Variants in UGT1A8 observed in about 807,000 individuals in gnomAD.
UGT1A8 encodes the protein UDP glucuronosyltransferase family 1 member A8.
A neutral mutation model predicts 45.3 loss-of-function variants in UGT1A8; 39 were observed. The observed-to-expected ratio is 0.86, with a 90% CI of 0.67 to 1.12. The LOEUF (loss-of-function observed/expected upper bound fraction) is 1.12. Among genes scored for constraint, UGT1A8 ranks in the 50% most tolerant of loss-of-function variants. The pLI is 0.00. For synonymous variants in UGT1A8, 275 were observed against 249.2 expected (o/e 1.10, Z -0.97); for missense variants, 719 against 664.9 (o/e 1.08, Z -0.90).
At chr2:233,744,610 G>T (rs1221206555) in intron 1 of UGT1A8, among the ~76,000 whole-genome samples, 1 of 151,880 alleles carries the variant, frequency 6.6e-6, no homozygotes, top group Non-Finnish European at 1.5e-5. Flanking sequence ...TTAGTACTTG[G>T]CTCTATAGAG....
Position 233,682,320 on chromosome 2 carries a change from T to C in UGT1A8, c.855+63758T>C, listed in dbSNP as rs763345749. ...TTTTTTTCAAATTGCAGGAGTTTGT[T>C]TAATGACCGAAAATTAGTAGAATAC... On this transcript the variant is annotated intron_variant, in intron 1 of 4. Transcript: ENST00000373450. 5.6e-6 allele frequency: 9 copies of C among 1,614,156 alleles called. No homozygotes were observed. The South Asian group carries it at 8.8e-5, about 16-fold the overall frequency.
At chr2:233,755,027 C>T (rs759197919) in intron 1 of UGT1A8, 2 of 1,309,218 alleles carry the variant, frequency 1.5e-6, no homozygotes, top group African/African-American at 3.0e-5. Flanking sequence ...CCTTGAAGGG[C>T]CTGCCGCCTG....
chr2:233,646,352 G>T (rs946940616), intron 1 of UGT1A8, among the ~76,000 whole-genome samples: 1 of 152,150 alleles, frequency 6.6e-6, no homozygotes, highest in Non-Finnish European at 1.5e-5. Context: ...TTAACATTCG[G>T]CTCCTCATTA....
At chr2:233,685,598 A>C (rs2074745472) in intron 1 of UGT1A8, among the ~76,000 whole-genome samples, 1 of 152,210 alleles carries the variant, frequency 6.6e-6, no homozygotes. Context: ...GCCTCCCTCC[A>C]AGATTATTTA....
intron 1 of UGT1A8, chr2:233,636,650 C>T (rs769189062): frequency 1.2e-5 from 19 of 1,613,800 alleles, no homozygotes; most frequent in Admixed American, 5.0e-5. Context: ...ACCATGCAGT[C>T]GGTGGTGGAG....
chr2:233,663,275 C>A (rs532535432), intron 1 of UGT1A8, among the ~76,000 whole-genome samples: 5 of 152,210 alleles, frequency 3.3e-5, no homozygotes, highest in Non-Finnish European at 5.9e-5. Flanking sequence ...TGTGGTAGAC[C>A]GGAGTTTTAT....
At chr2:233,630,879 A>C (rs1044578332) in intron 1 of UGT1A8, among the ~76,000 whole-genome samples, 1 of 149,968 alleles carries the variant, frequency 6.7e-6, no homozygotes, top group South Asian at 2.1e-4. Flanking sequence ...ATACATGTGC[A>C]GAACATGCAG....
chr2:233,721,870 C>G (rs905859628), intron 1 of UGT1A8: 1 of 500,564 alleles, frequency 2.0e-6, no homozygotes, highest in Non-Finnish European at 4.0e-6. Context: ...CCTGGGCACA[C>G]TTGCCAGCCC....
intron 1 of UGT1A8, among the ~76,000 whole-genome samples, chr2:233,706,049 C>T (rs1298808195): frequency 6.6e-6 from 1 of 152,134 alleles, no homozygotes; most frequent in Admixed American, 6.5e-5. Context: ...GAGCCGAGAT[C>T]ACGCCACTGC....
At chr2:233,701,642 G>C (rs376187281) in intron 1 of UGT1A8, among the ~76,000 whole-genome samples, 7 of 152,306 alleles carry the variant, frequency 4.6e-5, no homozygotes, top group Admixed American at 2.6e-4. Flanking sequence ...ATAGCAAACT[G>C]TCTCTCAGAC....
intron 1 of UGT1A8, among the ~76,000 whole-genome samples, chr2:233,632,937 T>C (rs2073218271): frequency 6.6e-6 from 1 of 152,254 alleles, no homozygotes; most frequent in Non-Finnish European, 1.5e-5. Flanking sequence ...CTTCCAGCTT[T>C]TGCCCATTCA....
chr2:233,669,310 C>T (rs867853463), intron 1 of UGT1A8, among the ~76,000 whole-genome samples: 1 of 151,350 alleles, frequency 6.6e-6, no homozygotes, highest in Non-Finnish European at 1.5e-5. Context: ...TTTTACATTT[C>T]CCTATGAATT....
intron 1 of UGT1A8, chr2:233,693,997 C>T (rs2075194295): frequency 2.7e-6 from 4 of 1,507,132 alleles, no homozygotes; most frequent in Non-Finnish European, 3.6e-6. Flanking sequence ...TGATACCCGG[C>T]TCGGAGCAGC....
At chr2:233,711,742 C>A (rs1575496526) in intron 1 of UGT1A8, among the ~76,000 whole-genome samples, 1 of 152,196 alleles carries the variant, frequency 6.6e-6, no homozygotes. Context: ...GCAGACACGG[C>A]CAGGCATGTA....
At chr2:233,713,923 C>T in intron 1 of UGT1A8, 4 of 1,612,024 alleles carry the variant, frequency 2.5e-6, no homozygotes, top group Non-Finnish European at 3.4e-6. Context: ...AATGTATTTA[C>T]TTACAAGTGC....
At chr2:233,637,969 G>GAT (rs930231556) in intron 1 of UGT1A8, among the ~76,000 whole-genome samples, 9 of 151,860 alleles carry the variant, frequency 5.9e-5, no homozygotes, top group Middle Eastern at 3.4e-3. Context: ...AATTAATATT[G>GAT]ATATATATAT....
intron 1 of UGT1A8, among the ~76,000 whole-genome samples, chr2:233,758,187 G>A (rs1223519403): frequency 6.6e-6 from 1 of 152,214 alleles, no homozygotes; most frequent in African/African-American, 2.4e-5. Context: ...ATATTAATTG[G>A]ATTGCTTAGT....
At chr2:233,728,809 T>G (rs2077752579) in intron 1 of UGT1A8, among the ~76,000 whole-genome samples, 1 of 152,110 alleles carries the variant, frequency 6.6e-6, no homozygotes, top group African/African-American at 2.4e-5. Flanking sequence ...TAGGAGACAG[T>G]GACATGAAAT....
intron 1 of UGT1A8, among the ~76,000 whole-genome samples, chr2:233,628,366 T>C (rs1181239616): frequency 3.3e-5 from 5 of 152,100 alleles, no homozygotes. Flanking sequence ...TTGCAATATA[T>C]TTATTTTTAA....
Sources: gnomAD v4.1 joint callset for allele counts (sites outside exome capture counted in the v4.1 genomes callset) on GRCh38, gnomAD v4.1.1 for gene constraint, MANE v1.5 for transcripts, NCBI Gene and HGNC (gene_info 2026-07-23, HGNC 2026-07-21) for gene names.